Variants in SLC9C1 observed in about 807,000 individuals in gnomAD.
SLC9C1 encodes the protein sodium/hydrogen exchanger 10.
In SLC9C1, 97 loss-of-function variants were observed where a neutral mutation model predicts 140.9. The observed-to-expected ratio is 0.69, with a 90% CI of 0.58 to 0.82. SLC9C1 has a LOEUF of 0.82. Among genes scored for constraint, SLC9C1 ranks in the 40% least tolerant of loss-of-function variants. SLC9C1 has a pLI of 0.00. For synonymous variants in SLC9C1, 440 were observed against 442.6 expected, an observed-to-expected ratio of 0.99 and a Z score of 0.07; for missense variants, 1,340 against 1,389.3, an observed-to-expected ratio of 0.96 and a Z score of 0.56.
At chr3:112,293,112 C>CAAAAAA (rs58937356) in intron 1 of SLC9C1, among the ~76,000 whole-genome samples, 1 of 128,994 alleles carries the variant, frequency 7.8e-6, no homozygotes, top group Non-Finnish European at 1.6e-5. Flanking sequence ...ACTAAAAATA[C>CAAAAAA]AAAAAAAAAA....
chr3:112,198,201 A>G (rs1310217995), intron 20 of SLC9C1, among the ~76,000 whole-genome samples: 4 of 151,990 alleles, frequency 2.6e-5, no homozygotes, highest in African/African-American at 9.7e-5. Flanking sequence ...ATAGATAAGA[A>G]TTTAGAGTTT....
chr3:112,230,833 G>A (rs2078801859), intron 13 of SLC9C1, among the ~76,000 whole-genome samples: 1 of 152,166 alleles, frequency 6.6e-6, no homozygotes, highest in African/African-American at 2.4e-5. Flanking sequence ...CAGTTTGTAT[G>A]CTGCTGTGCT....
intron 26 of SLC9C1, among the ~76,000 whole-genome samples, chr3:112,157,617 A>G (rs917367920): frequency 2.0e-5 from 3 of 151,862 alleles, no homozygotes; most frequent in African/African-American, 7.2e-5. Context: ...GGTAGTATAG[A>G]CCACTTTAAC....
At chr3:112,273,531 T>A (rs5013874) in intron 6 of SLC9C1, among the ~76,000 whole-genome samples, 43,762 of 151,964 alleles carry the variant, frequency 0.29, 6,443 homozygotes, top group East Asian at 0.36. Flanking sequence ...GTGGGGTAAC[T>A]GTCCACAACC....
In SLC9C1 at chr3:112,275,035, T is replaced by C; in HGVS notation, c.485-10A>G. On this transcript the variant is annotated splice_polypyrimidine_tract_variant and intron_variant, in intron 5 of 28. Transcript: ENST00000305815. ...AGGCTTCTAGAAAGCCCTACATATG[T>C]TGAGGGGGAAAGATGTTTTTTAAAG... 6.5e-7 allele frequency: 1 copy of C among 1,547,242 alleles called. No homozygotes were observed. Among genetic ancestry groups the C allele is most frequent in the Non-Finnish European group, 8.6e-7 (1 of 1,158,720 alleles).
At chr3:112,212,564 A>G (rs1468664090) in intron 15 of SLC9C1, among the ~76,000 whole-genome samples, 1 of 152,240 alleles carries the variant, frequency 6.6e-6, no homozygotes, top group Non-Finnish European at 1.5e-5. Flanking sequence ...TGAATGCACA[A>G]GCTTCAGTAG....
At chr3:112,177,739 T>A (rs1224681448) in intron 23 of SLC9C1, among the ~76,000 whole-genome samples, 2 of 147,758 alleles carry the variant, frequency 1.4e-5, no homozygotes, top group Non-Finnish European at 3.0e-5. Context: ...AAAAAAAAAT[T>A]AAATAGAAAA....
In SLC9C1 at chr3:112,182,201, T is replaced by A. The variant is rs375120917; in HGVS notation, c.2581A>T (p.Thr861Ser). ...ATATGATATAGAACTTCTTCAACAG[T>A]AAGAGGCCTGATAATAGATTGAGAA... is the stretch of plus-strand genomic sequence containing the variant. ...LDSQSIIRPL[T>S]VEEVLYHIPW... is the part of the protein sequence containing the mutation. Residue 861 changes from threonine (T) to serine (S), a missense_variant, in exon 21 of 29, where the codon ACT (threonine) becomes TCT (serine). Physicochemically the swap from Thr to Ser is moderately conservative, Grantham distance 58. Coordinates refer to ENST00000305815, the MANE Select transcript of SLC9C1 (RefSeq NM_183061.3). 8 of 1,608,248 alleles carry A rather than the reference T, an allele frequency of 5.0e-6. No individual in the cohort carries two copies. Among genetic ancestry groups the A allele is most frequent in the Non-Finnish European group, 6.8e-6 (8 of 1,177,444 alleles).
In SLC9C1 at chr3:112,168,890, A is replaced by G; in HGVS notation, c.3224T>C (p.Ile1075Thr). 6.3e-7 allele frequency: 1 copy of G among 1,591,758 alleles called. No individual in the cohort carries two copies. Among genetic ancestry groups the G allele is most frequent in the Non-Finnish European group, 8.5e-7 (1 of 1,172,300 alleles). Reference sequence around the variant, plus strand: ...ATATTTCTTTACCTGATGGCATGTTATAGGAATTAAGAAAGGTGCTCTATA... The same window carrying G: ...ATATTTCTTTACCTGATGGCATGTTGTAGGAATTAAGAAAGGTGCTCTATA... Reference protein sequence around the residue: ...KTYRAPFLIPITCHQIQSIED... With the variant: ...KTYRAPFLIPTTCHQIQSIED... Residue 1075 changes from isoleucine (I) to threonine (T), a missense_variant, in exon 25 of 29, where the codon ATA (isoleucine) becomes ACA (threonine). Ile to Thr is a moderately conservative substitution (Grantham distance 89). Transcript: ENST00000305815.
rs28413123 is a variant in SLC9C1 at position 112,274,902 on chromosome 3, G to T, written c.608C>A (p.Thr203Asn). 1.9e-6 allele frequency: 3 copies of T among 1,547,030 alleles called. No individual in the cohort carries two copies. The highest frequency in any genetic ancestry group is 2.3e-5 in the Admixed American group (1 of 44,196). Residue 203 changes from threonine to asparagine, a missense_variant, in exon 6 of 29, where the codon ACC becomes AAC. Thr to Asn is a moderately conservative substitution (Grantham distance 65). Coordinates refer to ENST00000305815, the MANE Select transcript of SLC9C1 (RefSeq NM_183061.3). ...DQRLQSKRNHTLAEEIVGGIC... is the reference protein window; with the variant it reads ...DQRLQSKRNHNLAEEIVGGIC... ...TTTTTTAAAAATATACTTACCTAAG[G>T]TATGGTTTCTTTTACTTTGTAGTCT...
chr3:112,292,823 G>A (rs961077074), intron 1 of SLC9C1, among the ~76,000 whole-genome samples: 10 of 151,804 alleles, frequency 6.6e-5, no homozygotes, highest in East Asian at 3.9e-4. Flanking sequence ...GATTACAGGC[G>A]TGAGCCACCA....
intron 20 of SLC9C1, among the ~76,000 whole-genome samples, chr3:112,182,940 T>G (rs2077465337): frequency 6.6e-6 from 1 of 152,234 alleles, no homozygotes; most frequent in African/African-American, 2.4e-5. Context: ...AAGCAAAAAT[T>G]TATTCATTTT....
At chr3:112,176,777 C>CA (rs2077344671) in intron 23 of SLC9C1, among the ~76,000 whole-genome samples, 2 of 152,146 alleles carry the variant, frequency 1.3e-5, no homozygotes, top group African/African-American at 4.8e-5. Flanking sequence ...GTATCTAAGA[C>CA]AGTGTAACTT....
intron 12 of SLC9C1, 54 bp downstream of exon 12, chr3:112,239,786 C>T (rs2079091157): frequency 1.4e-6 from 2 of 1,436,824 alleles, no homozygotes; most frequent in South Asian, 1.3e-5. Context: ...CTGATTTATA[C>T]TTCAGTATAA....
intron 25 of SLC9C1, among the ~76,000 whole-genome samples, chr3:112,167,630 T>C (rs906103894): frequency 6.6e-6 from 1 of 152,208 alleles, no homozygotes; most frequent in East Asian, 1.9e-4. Context: ...ATCCAGAGAC[T>C]TTTTCCACAT....
intron 10 of SLC9C1, among the ~76,000 whole-genome samples, chr3:112,257,172 T>A (rs376172524): frequency 1.4e-4 from 22 of 152,124 alleles, no homozygotes; most frequent in African/African-American, 5.1e-4. Flanking sequence ...AAACTAACAA[T>A]GACATTCACA....
At position 112,161,574 on chromosome 3, in the gene SLC9C1, T is replaced by C. The variant is rs955214262; in HGVS notation, c.3364+5647A>G. On this transcript the variant is annotated intron_variant, in intron 26 of 28. Coordinates refer to ENST00000305815, the MANE Select transcript of SLC9C1 (RefSeq NM_183061.3). Reference sequence around the variant, plus strand: ...TTTCTCAGGTTTGTCAAAGATCAGATAGTTGTAGATATGTGGCGTTATTTC... The same window carrying C: ...TTTCTCAGGTTTGTCAAAGATCAGACAGTTGTAGATATGTGGCGTTATTTC... Among the ~76,000 whole-genome samples, 35 of 152,288 alleles carry C rather than the reference T, an allele frequency of 2.3e-4. No individual in the cohort carries two copies. The East Asian group carries it at 5.8e-3, about 25-fold the overall frequency.
At chr3:112,265,924 C>T (rs915075398) in intron 8 of SLC9C1, among the ~76,000 whole-genome samples, 6 of 151,922 alleles carry the variant, frequency 3.9e-5, no homozygotes, top group African/African-American at 1.2e-4. Context: ...TTCTCAATTA[C>T]TGCACTTTTG....
At chr3:112,145,589 CTTT>C (rs61547345) in intron 28 of SLC9C1, among the ~76,000 whole-genome samples, 267 of 28,240 alleles carry the variant, frequency 9.5e-3, no homozygotes, top group Non-Finnish European at 0.014. Flanking sequence ...CTGCCCTTGG[CTTT>C]TTTTTTTTTT....
Sources: gnomAD v4.1 joint callset for allele counts (sites outside exome capture counted in the v4.1 genomes callset) on GRCh38, gnomAD v4.1.1 for gene constraint, MANE v1.5 for transcripts, NCBI Gene and HGNC (gene_info 2026-07-23, HGNC 2026-07-21) for gene names.